DENND4A: variants seen among roughly 807,000 people sequenced by gnomAD.
DENND4A encodes the protein DENN domain containing 4A.
A neutral mutation model predicts 199.3 loss-of-function variants in DENND4A; 70 were observed. That is an observed-to-expected ratio of 0.35 (90% CI 0.29 to 0.43). The LOEUF (loss-of-function observed/expected upper bound fraction) is 0.43. DENND4A is among the 20% of genes least tolerant of loss of function. DENND4A has a pLI of 1.00. For missense variants in DENND4A, 1,723 were observed against 2,255.8 expected (o/e 0.76, Z 4.78); for synonymous variants, 686 against 766.9 (o/e 0.89, Z 1.74).
chr15:65,784,277 T>C (rs2077509019), intron 1 of DENND4A, among the ~76,000 whole-genome samples: 2 of 152,266 alleles, frequency 1.3e-5, no homozygotes, highest in South Asian at 4.1e-4. Context: ...GTCAACTAAA[T>C]GTATTGTCGT....
intron 5 of DENND4A, among the ~76,000 whole-genome samples, chr15:65,740,156 T>C (rs889307314): frequency 6.6e-6 from 1 of 151,778 alleles, no homozygotes; most frequent in African/African-American, 2.4e-5. Flanking sequence ...ACTCCAGCCT[T>C]TCAATGGTTG....
chr15:65,732,144 C>CA (rs1480447160), intron 8 of DENND4A, among the ~76,000 whole-genome samples: 4 of 152,006 alleles, frequency 2.6e-5, no homozygotes, highest in Non-Finnish European at 4.4e-5. Flanking sequence ...ATAGTTGTGA[C>CA]AGAGATCAGA....
chr15:65,738,737 G>C lies in DENND4A; in HGVS notation c.770C>G (p.Thr257Ser). Reference protein sequence around the residue: ...NSKYPLPVFSTFVLTGASAEK... With the variant: ...NSKYPLPVFSSFVLTGASAEK... ...AGCTGAGGCTCCAGTTAAAACAAAA[G>C]TAGAAAATACAGGCAGAGGGTATTT... is the stretch of plus-strand genomic sequence containing the variant. The change falls in exon 6 of 33, where the codon ACT (threonine) becomes AGT (serine). Residue 257 changes from threonine to serine, a missense_variant. Thr to Ser is a moderately conservative substitution (Grantham distance 58, BLOSUM62 1). Transcript: ENST00000443035. The C allele has an allele frequency of 6.2e-7, 1 of 1,611,588 alleles. No individual in the cohort carries two copies. The highest frequency in any genetic ancestry group is 2.2e-5 in the East Asian group (1 of 44,720).
At chr15:65,735,276 G>A (rs1314275027) in intron 7 of DENND4A, among the ~76,000 whole-genome samples, 3 of 152,032 alleles carry the variant, frequency 2.0e-5, no homozygotes, top group Non-Finnish European at 4.4e-5. Context: ...TACTCAGGAG[G>A]CTGAGGCATG....
intron 32 of DENND4A, among the ~76,000 whole-genome samples, chr15:65,663,146 A>G (rs2075909176): frequency 6.8e-6 from 1 of 147,364 alleles, no homozygotes; most frequent in Non-Finnish European, 1.5e-5. Context: ...CTTTCCTAAC[A>G]TTTTATTTTT....
intron 29 of DENND4A, among the ~76,000 whole-genome samples, chr15:65,666,464 T>C (rs1451437841): frequency 6.6e-6 from 1 of 152,200 alleles, no homozygotes. Flanking sequence ...AATTTCATCA[T>C]GCTACTCAGA....
chr15:65,672,536 T>C (rs1017243650), intron 24 of DENND4A, among the ~76,000 whole-genome samples: 1 of 151,180 alleles, frequency 6.6e-6, no homozygotes, highest in Non-Finnish European at 1.5e-5. Context: ...GAGACTGGGG[T>C]AGGAGTCCAA....
In DENND4A at chr15:65,660,197, G is replaced by C; in HGVS notation, c.*1654C>G. The C allele has an allele frequency of 1.0e-6, 1 of 972,268 alleles. No homozygotes were observed. The highest frequency in any genetic ancestry group is 1.6e-6 in the Non-Finnish European group (1 of 634,570). The allele number at this position is 972,268 out of a possible 1,614,324, so 60.2% of individuals were successfully genotyped here. A position where few individuals can be genotyped will look rare whatever the true frequency, so the allele number is the denominator to read the frequency against. ...AAGGAGAGGCAGATATATGTGCCTA[G>C]CACCAGATTTTTCAAGTAAGCAAGT... On this transcript the variant is annotated 3_prime_UTR_variant, in exon 33 of 33. Transcript: ENST00000443035.
At chr15:65,717,110 T>G (rs2075431322) in intron 13 of DENND4A, among the ~76,000 whole-genome samples, 1 of 152,184 alleles carries the variant, frequency 6.6e-6, no homozygotes. Flanking sequence ...ATCCTCTTGA[T>G]TATAAGCTCT....
In DENND4A at chr15:65,756,591, T is replaced by C. The variant is rs2076706986; in HGVS notation, c.-22-119A>G. 8.7e-6 allele frequency: 5 copies of C among 576,378 alleles called. 1 individual carries two copies. Among genetic ancestry groups the C allele is most frequent in the Non-Finnish European group, 1.5e-5 (5 of 341,392 alleles). 35.7% of individuals were successfully genotyped at this position (576,378 alleles called of 1,614,324 possible). On this transcript the variant is annotated intron_variant, in intron 2 of 32. Transcript: ENST00000443035. ...AGCACTAGTTCCTTGATAAACACAG[T>C]AGCATTGTATATTTAACTTACATGT...
rs916956274 is a variant in DENND4A, at chr15:65,700,995, A to G, written c.2701+56T>C. On this transcript the variant is annotated intron_variant, in intron 19 of 32. Transcript: ENST00000443035. ...AACTATTTAAAATTTCTAAAAATGT[A>G]AACTGTAGCTAATCAATTAATTTTG... 8 of 1,524,536 alleles carry G rather than the reference A, an allele frequency of 5.2e-6. No individual in the cohort carries two copies. The African/African-American group carries it at 1.1e-4, about 22-fold the overall frequency. The allele number at this position is 1,524,536 out of a possible 1,614,324, so 94.4% of individuals were successfully genotyped here. A position where few individuals can be genotyped will look rare whatever the true frequency, so the allele number is the denominator to read the frequency against.
Position 65,715,562 on chromosome 15 carries a change from T to C in DENND4A, c.1869A>G (p.Gln623=), listed in dbSNP as rs759607517. The change falls in exon 14 of 33, where the codon CAA becomes CAG. Residue 623 remains glutamine, a synonymous_variant. Transcript: ENST00000443035. ...ATTCTTCAATGAAGCGAATAAACAT[T>C]TGTGTTTTGGTCATCATGTTATAGA... is the stretch of plus-strand genomic sequence containing the variant. ...QKFYNMMTKT[Q]MFIRFIEECS... is the part of the protein sequence containing the mutation. The C allele has an allele frequency of 1.9e-6, 3 of 1,605,552 alleles. No homozygotes were observed. Among genetic ancestry groups the C allele is most frequent in the Non-Finnish European group, 2.6e-6 (3 of 1,176,374 alleles).
chr15:65,754,305 G>C (rs1363511695), intron 3 of DENND4A, among the ~76,000 whole-genome samples: 2 of 151,960 alleles, frequency 1.3e-5, no homozygotes, highest in African/African-American at 2.4e-5. Flanking sequence ...TTTTGATCTT[G>C]TTTTGCTTTT....
chr15:65,716,065 T>C (rs555073775), intron 13 of DENND4A, among the ~76,000 whole-genome samples: 1 of 152,084 alleles, frequency 6.6e-6, no homozygotes, highest in South Asian at 2.1e-4. Context: ...GAGAAAAGGT[T>C]TATTTCCTGA....
rs115787440 is a variant in DENND4A at position 65,687,919 on chromosome 15, A to C, written c.4179+2496T>G. Among the ~76,000 whole-genome samples the C allele has an allele frequency of 6.4e-3, 973 of 152,178 alleles. 10 individuals carry two copies. The highest frequency in any genetic ancestry group is 0.022 in the African/African-American group (934 of 41,522). ...ATTTGCTGAGTCTCTTGTATCTATA[A>C]ATCTGTATCTTTTACCAATTTTGGA... On this transcript the variant is annotated intron_variant, in intron 23 of 32. Transcript: ENST00000443035.
intron 1 of DENND4A, among the ~76,000 whole-genome samples, chr15:65,789,213 G>T (rs982351446): frequency 1.3e-5 from 2 of 151,970 alleles, no homozygotes; most frequent in Non-Finnish European, 2.9e-5. Context: ...TTGAGACAGG[G>T]TCTTACTCTG....
rs370067854 is a variant in DENND4A at position 65,717,923 on chromosome 15, C to T, written c.1662G>A (p.Arg554=). Residue 554 remains arginine (R), a synonymous_variant, in exon 13 of 33, where the codon AGG becomes AGA. Transcript: ENST00000443035. ...GGATTTCCAAATCTATCATGTGCAA[C>T]CTCTTTCCAGAATTAAAATCATAGT... ...INDYDFNSGK[R]LHMIDLEIQE... 9 of 1,609,670 alleles carry T rather than the reference C, an allele frequency of 5.6e-6. No homozygotes were observed. Among genetic ancestry groups the T allele is most frequent in the Admixed American group, 1.7e-5 (1 of 59,360 alleles).
intron 22 of DENND4A, among the ~76,000 whole-genome samples, chr15:65,694,844 T>G (rs948878022): frequency 1.3e-5 from 2 of 152,160 alleles, no homozygotes; most frequent in Non-Finnish European, 2.9e-5. Flanking sequence ...GTTCAGCATA[T>G]AGGGTAACTG....
intron 23 of DENND4A, among the ~76,000 whole-genome samples, chr15:65,684,459 TAATA>T (rs2142007138): frequency 6.6e-6 from 1 of 152,360 alleles, no homozygotes; most frequent in African/African-American, 2.4e-5. Context: ...AATTAATGCC[TAATA>T]ACTAATTATG....
Sources: gnomAD v4.1 joint callset for allele counts (sites outside exome capture counted in the v4.1 genomes callset) on GRCh38, gnomAD v4.1.1 for gene constraint, MANE v1.5 for transcripts, NCBI Gene and HGNC (gene_info 2026-07-23, HGNC 2026-07-21) for gene names.